Variants in ABTB2 observed in about 807,000 individuals in gnomAD.
ABTB2 encodes the protein ankyrin repeat and BTB domain containing 2.
Under a neutral mutation model 104.1 loss-of-function variants are expected in ABTB2, and 56 were observed. That is an observed-to-expected ratio of 0.54 (90% CI 0.43 to 0.67). The LOEUF is 0.67. Among genes scored for constraint, ABTB2 ranks in the 30% least tolerant of loss-of-function variants. ABTB2 has a pLI of 0.00. For missense variants in ABTB2, 1,279 were observed against 1,407.7 expected (o/e 0.91, Z 1.46); for synonymous variants, 606 against 608.2 (o/e 1.00, Z 0.05).
intron 3 of ABTB2, among the ~76,000 whole-genome samples, chr11:34,179,556 A>T (rs1483304564): frequency 2.0e-5 from 3 of 152,204 alleles, no homozygotes; most frequent in Non-Finnish European, 4.4e-5. Context: ...AAGGGATCCG[A>T]AGGTCCTAGA....
chr11:34,196,072 C>A (rs2133035414), intron 3 of ABTB2, among the ~76,000 whole-genome samples: 1 of 152,302 alleles, frequency 6.6e-6, no homozygotes, highest in Non-Finnish European at 1.5e-5. Flanking sequence ...AAGCCTTTCC[C>A]ACTTCCTGGA....
At chr11:34,180,111 T>C (rs904414286) in intron 3 of ABTB2, among the ~76,000 whole-genome samples, 5 of 152,210 alleles carry the variant, frequency 3.3e-5, no homozygotes, top group African/African-American at 1.2e-4. Context: ...CAGCTCCAGC[T>C]TTCTGAAAGT....
intron 1 of ABTB2, among the ~76,000 whole-genome samples, chr11:34,243,304 G>A (rs2755177): frequency 0.6 from 91,768 of 151,864 alleles, 28,000 homozygotes; most frequent in African/African-American, 0.67. Context: ...ATGGAGTCTC[G>A]CTCTGTCGCC....
intron 5 of ABTB2, among the ~76,000 whole-genome samples, chr11:34,168,524 CT>C (rs1852832317): frequency 6.6e-6 from 1 of 152,214 alleles, no homozygotes; most frequent in African/African-American, 2.4e-5. Context: ...AATCACCCTG[CT>C]AGTGATGAGC....
In ABTB2 at chr11:34,164,834, G is replaced by T; in HGVS notation, c.1853-13C>A. 3.2e-6 allele frequency: 5 copies of T among 1,587,256 alleles called. No homozygotes were observed. The highest frequency in any genetic ancestry group is 4.3e-6 in the Non-Finnish European group (5 of 1,171,828). On this transcript the variant is annotated splice_polypyrimidine_tract_variant and intron_variant, in intron 8 of 16. Coordinates refer to ENST00000435224, the MANE Select transcript of ABTB2 (RefSeq NM_145804.3). ...AGCTCATAGTTCCCTGAAAGAGAAGGTGGGCAGCACGGAGGACACTGAGAC... is the reference window on the plus strand; with the variant it reads ...AGCTCATAGTTCCCTGAAAGAGAAGTTGGGCAGCACGGAGGACACTGAGAC...
At chr11:34,253,270 C>T (rs967114219) in intron 1 of ABTB2, among the ~76,000 whole-genome samples, 6 of 152,230 alleles carry the variant, frequency 3.9e-5, no homozygotes, top group African/African-American at 9.6e-5. Context: ...TCTCTTCTTC[C>T]TTCAGAGTGA....
At chr11:34,262,719 T>C (rs1167616505) in intron 1 of ABTB2, among the ~76,000 whole-genome samples, 1 of 152,140 alleles carries the variant, frequency 6.6e-6, no homozygotes, top group African/African-American at 2.4e-5. Flanking sequence ...AAAGGGCCAT[T>C]ATTAACAGTG....
chr11:34,356,732 A>G lies in ABTB2; in HGVS notation c.852T>C (p.Tyr284=), dbSNP rs12792007. 21 of 1,608,944 alleles carry G rather than the reference A, an allele frequency of 1.3e-5. No homozygotes were observed. The highest frequency in any genetic ancestry group is 1.5e-5 in the Non-Finnish European group (18 of 1,176,926). Residue 284 remains tyrosine (Y), a synonymous_variant, in exon 1 of 17, where the codon TAT becomes TAC. Coordinates refer to ENST00000435224, the MANE Select transcript of ABTB2 (RefSeq NM_145804.3). This position sits in a 1 kb window ranked among gnomAD's most constrained non-coding sequence, Gnocchi z 4.6. ...CGTTCTTGCCGCAGATGAGATGCTC[A>G]TAGGGCTGCAAGACGCCCCAGAGCT... The part of the protein sequence containing the change: ...DAELWGVLQP[Y]EHLICGKNAN...
intron 1 of ABTB2, among the ~76,000 whole-genome samples, chr11:34,231,306 C>G (rs1853766380): frequency 6.6e-6 from 1 of 152,054 alleles, no homozygotes; most frequent in African/African-American, 2.4e-5. Flanking sequence ...GAAAAAATAA[C>G]TAGGGGAGAA....
intron 1 of ABTB2, among the ~76,000 whole-genome samples, chr11:34,243,002 C>G (rs140399035): frequency 7.1e-4 from 108 of 152,204 alleles, no homozygotes; most frequent in African/African-American, 2.5e-3. Flanking sequence ...AGGACCTCTC[C>G]CCTCCACAGC....
intron 3 of ABTB2, among the ~76,000 whole-genome samples, chr11:34,195,395 G>T (rs1054608708): frequency 6.6e-6 from 1 of 152,206 alleles, no homozygotes; most frequent in Non-Finnish European, 1.5e-5. Flanking sequence ...TCCCGCCAAA[G>T]GTGTCTTTCA....
intron 1 of ABTB2, among the ~76,000 whole-genome samples, chr11:34,228,177 A>C (rs1474271736): frequency 1.4e-5 from 1 of 72,708 alleles, no homozygotes; most frequent in African/African-American, 4.6e-5. Context: ...CTCCTGCCTC[A>C]GCCACCTGAG....
chr11:34,276,542 C>G (rs117732532), intron 1 of ABTB2, among the ~76,000 whole-genome samples: 5,649 of 152,268 alleles, frequency 0.037, 250 homozygotes, highest in Admixed American at 0.14. Context: ...GGCTCTCCCC[C>G]ATCCGGGCCT....
intron 1 of ABTB2, among the ~76,000 whole-genome samples, chr11:34,328,478 T>C (rs552777854): frequency 2.9e-4 from 44 of 152,286 alleles, no homozygotes; most frequent in African/African-American, 9.9e-4. Context: ...AGGAGAACAG[T>C]ATCTGCCCTT....
At chr11:34,153,093 G>C (rs1852570808) in intron 16 of ABTB2, among the ~76,000 whole-genome samples, 1 of 152,340 alleles carries the variant, frequency 6.6e-6, no homozygotes, top group African/African-American at 2.4e-5. Flanking sequence ...AGGAGGTAAA[G>C]CCAACGTGAC....
intron 1 of ABTB2, among the ~76,000 whole-genome samples, chr11:34,214,978 G>T (rs1336605377): frequency 6.6e-6 from 1 of 152,206 alleles, no homozygotes; most frequent in Non-Finnish European, 1.5e-5. Context: ...ATGAGACATT[G>T]TCTGCATGCC....
At chr11:34,258,862 A>T (rs1757493900) in intron 1 of ABTB2, among the ~76,000 whole-genome samples, 1 of 152,038 alleles carries the variant, frequency 6.6e-6, no homozygotes, top group Non-Finnish European at 1.5e-5. Flanking sequence ...CGGCCTCCCA[A>T]AGTGCTGGGA....
Position 34,202,510 on chromosome 11 carries a change from G to A in ABTB2, c.1030+2034C>T, listed in dbSNP as rs537865549. Among the ~76,000 whole-genome samples, 12 of 152,274 alleles carry A rather than the reference G, an allele frequency of 7.9e-5. No individual in the cohort carries two copies. In the East Asian group the frequency reaches 1.5e-3, roughly 20 times the overall value. On this transcript the variant is annotated intron_variant, in intron 2 of 16. Coordinates refer to ENST00000435224, the MANE Select transcript of ABTB2 (RefSeq NM_145804.3). ...TCGGGGGATAGAGGGGATAGATATC[G>A]AGCAGATGAGTGACACAACCCAATT... is the stretch of plus-strand genomic sequence containing the variant.
intron 1 of ABTB2, among the ~76,000 whole-genome samples, chr11:34,351,288 C>T (rs1009628402): frequency 3.5e-4 from 53 of 152,158 alleles, no homozygotes; most frequent in Admixed American, 3.3e-3. Flanking sequence ...ATAAATTGTC[C>T]TCTGGGGCAG....
Sources: gnomAD v4.1 joint callset for allele counts (sites outside exome capture counted in the v4.1 genomes callset) on GRCh38, gnomAD v4.1.1 for gene constraint, Gnocchi (gnomAD v3.1) non-coding constraint, MANE v1.5 for transcripts, NCBI Gene and HGNC (gene_info 2026-07-23, HGNC 2026-07-21) for gene names.